SMIM7: variants seen among roughly 807,000 people sequenced by gnomAD.
SMIM7 encodes the protein UPF0608 protein C19orf42.
A neutral mutation model predicts 13.3 loss-of-function variants in SMIM7; 12 were observed. The ratio of observed to expected loss-of-function variants is 0.90; its 90% CI spans 0.58 to 1.46. SMIM7 has a LOEUF of 1.46. Ranked by LOEUF, SMIM7 falls within the 40% of genes most tolerant of loss-of-function variation. The pLI, the probability that SMIM7 is intolerant of heterozygous loss-of-function variation, is 0.00. For synonymous variants in SMIM7, 36 were observed against 35.8 expected (o/e 1.01, Z -0.02); for missense variants, 114 against 94.8 (o/e 1.20, Z -0.84).
At chr19:16,657,361 G>A (rs2086609361) in intron 3 of SMIM7, among the ~76,000 whole-genome samples, 1 of 151,966 alleles carries the variant, frequency 6.6e-6, no homozygotes. Flanking sequence ...GCCCACTGGA[G>A]CTCTGATTCG....
At chr19:16,640,945 A>G (rs2086399883), downstream of SMIM7, 1 of 152,144 alleles carries the variant, frequency 6.6e-6, no homozygotes, top group African/African-American at 2.4e-5. Flanking sequence ...AAAGAAAGAA[A>G]GAAAACTGGG....
chr19:16,656,732 C>T (rs1279163209), intron 3 of SMIM7, among the ~76,000 whole-genome samples: 1 of 151,866 alleles, frequency 6.6e-6, no homozygotes, highest in Non-Finnish European at 1.5e-5. Flanking sequence ...AACCCCATCT[C>T]TACTAAAAAT....
intron 4 of SMIM7, 50 bp from the exon 5 acceptor site, chr19:16,647,311 T>C: frequency 6.2e-7 from 1 of 1,608,320 alleles, no homozygotes; most frequent in Non-Finnish European, 8.5e-7. Flanking sequence ...AGGTGACTGT[T>C]CTAAAAATAT....
intron 3 of SMIM7, among the ~76,000 whole-genome samples, chr19:16,658,637 A>C (rs2086627198): frequency 6.6e-6 from 1 of 152,150 alleles, no homozygotes; most frequent in African/African-American, 2.4e-5. Flanking sequence ...TTTTTATATA[A>C]AATCTCCTGA....
exon 5 of SMIM7, chr19:16,631,644 AAT>A (rs1448506525): frequency 6.6e-6 from 1 of 152,226 alleles, no homozygotes; most frequent in African/African-American, 2.4e-5. Context: ...GCTGTACAGG[AAT>A]AGTCTTCCAC....
At chr19:16,654,558 A>T (rs536763531) in intron 3 of SMIM7, among the ~76,000 whole-genome samples, 83 of 152,002 alleles carry the variant, frequency 5.5e-4, no homozygotes, top group Middle Eastern at 3.4e-3. Context: ...ACTTTTTTTT[A>T]AAATATAAAG....
intron 4 of SMIM7, among the ~76,000 whole-genome samples, chr19:16,637,449 T>C (rs1183921006): frequency 2.0e-5 from 3 of 152,138 alleles, no homozygotes; most frequent in Non-Finnish European, 2.9e-5. Flanking sequence ...TGAGGCTACA[T>C]TGAGCCATGA....
intron 1 of SMIM7, 21 bp downstream of exon 1, chr19:16,660,064 G>A (rs545745635): frequency 1.2e-6 from 2 of 1,614,206 alleles, no homozygotes; most frequent in Non-Finnish European, 1.7e-6. Context: ...TCTCTTCCCA[G>A]CCTCTGGTCC....
chr19:16,641,743 C>T (rs867067054), downstream of SMIM7, among the ~76,000 whole-genome samples: 10 of 152,144 alleles, frequency 6.6e-5, no homozygotes, highest in African/African-American at 2.2e-4. Context: ...GGACTATAAG[C>T]GTGCAGCACG....
At chr19:16,635,652 C>T (rs1275228864) in intron 4 of SMIM7, among the ~76,000 whole-genome samples, 1 of 151,796 alleles carries the variant, frequency 6.6e-6, no homozygotes, top group African/African-American at 2.4e-5. Context: ...GAGGCCGAGG[C>T]GGGCGGATCA....
At chr19:16,635,883 C>CA (rs1207972448) in intron 4 of SMIM7, among the ~76,000 whole-genome samples, 1,174 of 80,436 alleles carry the variant, frequency 0.015, 14 homozygotes, top group East Asian at 0.036. Context: ...GACCCTGTCT[C>CA]AAAAAAAAAA....
In SMIM7 at chr19:16,647,159, G is replaced by T; in HGVS notation, c.*87C>A. 1.3e-6 allele frequency: 2 copies of T among 1,576,234 alleles called. No individual in the cohort carries two copies. Among genetic ancestry groups the T allele is most frequent in the Non-Finnish European group, 1.7e-6 (2 of 1,147,792 alleles). On this transcript the variant is annotated 3_prime_UTR_variant, in exon 5 of 5. Transcript: ENST00000487416. ...TTCTGGGAAGGTTGTCGGTTTTCTG[G>T]TCAAAAACATTCTTGAAGTCATCAG...
chr19:16,644,047 C>T (rs1169583323), downstream of SMIM7: 1 of 150,144 alleles, frequency 6.7e-6, no homozygotes, highest in Non-Finnish European at 1.5e-5. Flanking sequence ...AACATACATA[C>T]AGGAATATGG....
chr19:16,641,238 T>A (rs1267920992), downstream of SMIM7: 1 of 152,108 alleles, frequency 6.6e-6, no homozygotes, highest in Non-Finnish European at 1.5e-5. Context: ...GTATGGAGGT[T>A]GCTAAAGCAA....
chr19:16,651,642 C>T (rs144822377), intron 4 of SMIM7, among the ~76,000 whole-genome samples: 10 of 152,286 alleles, frequency 6.6e-5, no homozygotes, highest in East Asian at 1.9e-4. Context: ...ACAGGAAAGA[C>T]GAGAATGAGA....
downstream of SMIM7, among the ~76,000 whole-genome samples, chr19:16,641,992 G>C (rs770455151): frequency 6.6e-6 from 1 of 152,160 alleles, no homozygotes; most frequent in Non-Finnish European, 1.5e-5. Flanking sequence ...TGAGAAGCGC[G>C]TGCAAAAATA....
intron 4 of SMIM7, among the ~76,000 whole-genome samples, chr19:16,633,329 G>T (rs921022963): frequency 1.3e-5 from 2 of 151,812 alleles, no homozygotes; most frequent in Non-Finnish European, 2.9e-5. Context: ...GGTGGTGCGC[G>T]CCTGTAATCC....
intron 4 of SMIM7, among the ~76,000 whole-genome samples, chr19:16,638,289 CTTTTCTTTTTTCTTT>C (rs1236868227): frequency 6.8e-6 from 1 of 147,134 alleles, no homozygotes; most frequent in Non-Finnish European, 1.5e-5. Context: ...AATTAAACCT[CTTTTCTTTTTTCTTT>C]TTTTTTTTTT....
At chr19:16,656,716 T>A (rs995753386) in intron 3 of SMIM7, among the ~76,000 whole-genome samples, 2 of 151,964 alleles carry the variant, frequency 1.3e-5, no homozygotes, top group Middle Eastern at 3.2e-3. Flanking sequence ...CTGGCCAACA[T>A]GGCGAAACCC....
Sources: gnomAD v4.1 joint callset for allele counts (sites outside exome capture counted in the v4.1 genomes callset) on GRCh38, gnomAD v4.1.1 for gene constraint, MANE v1.5 for transcripts, NCBI Gene and HGNC (gene_info 2026-07-23, HGNC 2026-07-21) for gene names.